ADGRL3: variants seen among roughly 807,000 people sequenced by gnomAD.
ADGRL3 encodes calcium-independent alpha-latrotoxin receptor 3.
Under a neutral mutation model 153.5 loss-of-function variants are expected in ADGRL3, and 62 were observed. That is an observed-to-expected ratio of 0.40 (90% CI 0.33 to 0.50). The LOEUF (loss-of-function observed/expected upper bound fraction) is 0.50. Ranked by LOEUF, ADGRL3 falls within the 20% of genes least tolerant of loss-of-function variation. The probability of loss-of-function intolerance (pLI) is 0.47; values close to 1 mark genes in which losing one functional copy is unlikely to be tolerated. For missense variants in ADGRL3, 1,641 were observed against 1,859.4 expected (o/e 0.88, Z 2.16); for synonymous variants, 710 against 672.5 (o/e 1.06, Z -0.86).
At chr4:61,958,558 A>T (rs563288593) in intron 17 of ADGRL3, among the ~76,000 whole-genome samples, 1 of 152,206 alleles carries the variant, frequency 6.6e-6, no homozygotes, top group African/African-American at 2.4e-5. Context: ...ATGCCTGGGG[A>T]GGCCTCAGGA....
chr4:61,668,357 A>G (rs2094874288), intron 5 of ADGRL3, among the ~76,000 whole-genome samples: 1 of 152,362 alleles, frequency 6.6e-6, no homozygotes, highest in South Asian at 2.1e-4. Flanking sequence ...TCTTGGTTTT[A>G]GCAAGATTTA....
At chr4:61,472,458 T>C (rs2097971362) in intron 2 of ADGRL3, among the ~76,000 whole-genome samples, 1 of 152,074 alleles carries the variant, frequency 6.6e-6, no homozygotes. Context: ...TGCAGGCCTC[T>C]TTATAGGGAT....
chr4:61,528,937 T>C (rs1208185269), intron 4 of ADGRL3, among the ~76,000 whole-genome samples: 1 of 152,074 alleles, frequency 6.6e-6, no homozygotes, highest in African/African-American at 2.4e-5. Context: ...ACAGCTGTAG[T>C]TCACTGATAT....
intron 4 of ADGRL3, among the ~76,000 whole-genome samples, chr4:61,558,814 G>T (rs957383702): frequency 7.9e-5 from 12 of 151,848 alleles, no homozygotes; most frequent in African/African-American, 2.9e-4. Context: ...TTTTTAAAAT[G>T]AATCTTATTA....
At chr4:61,841,554 G>A (rs1324969594) in intron 9 of ADGRL3, among the ~76,000 whole-genome samples, 1 of 152,060 alleles carries the variant, frequency 6.6e-6, no homozygotes, top group Non-Finnish European at 1.5e-5. Context: ...GGTTAAAGAA[G>A]GCAAAAAGAT....
Position 61,720,832 on chromosome 4 carries a change from T to A in ADGRL3, c.584-9790T>A, listed in dbSNP as rs530516820. On this transcript the variant is annotated intron_variant, in intron 6 of 26. Transcript: ENST00000683033. ...TAAATATGAGTTGTTCTCATAATTATCATAATCCTTATGTTCTGTTTTCCC... is the reference window on the plus strand; with the variant it reads ...TAAATATGAGTTGTTCTCATAATTAACATAATCCTTATGTTCTGTTTTCCC... Among the ~76,000 whole-genome samples the A allele has an allele frequency of 3.5e-4, 54 of 152,210 alleles. 1 individual carries two copies. Among genetic ancestry groups the A allele is most frequent in the Non-Finnish European group, 6.6e-4 (45 of 68,040 alleles).
intron 9 of ADGRL3, among the ~76,000 whole-genome samples, chr4:61,880,399 A>G (rs2098502062): frequency 6.6e-6 from 1 of 152,164 alleles, no homozygotes; most frequent in Admixed American, 6.6e-5. Flanking sequence ...AAAATTTAAA[A>G]CTTGTATTAA....
At chr4:61,548,612 T>C (rs556033580) in intron 4 of ADGRL3, among the ~76,000 whole-genome samples, 4 of 152,118 alleles carry the variant, frequency 2.6e-5, no homozygotes, top group South Asian at 4.1e-4. Flanking sequence ...TTCTAGACTT[T>C]CTATTTTGTT....
At chr4:61,205,764 T>G (rs565023079) in intron 1 of ADGRL3, among the ~76,000 whole-genome samples, 61 of 152,308 alleles carry the variant, frequency 4.0e-4, no homozygotes, top group African/African-American at 1.3e-3. Flanking sequence ...TAGGGAGTTG[T>G]TGATCAATGG....
At chr4:61,489,780 TTG>T (rs200425142) in intron 2 of ADGRL3, among the ~76,000 whole-genome samples, 2 of 151,970 alleles carry the variant, frequency 1.3e-5, no homozygotes, top group East Asian at 3.9e-4. Context: ...AAAATTGAAT[TTG>T]CAACAAAATG....
At chr4:61,772,465 A>G (rs1375477430) in intron 8 of ADGRL3, among the ~76,000 whole-genome samples, 1 of 152,184 alleles carries the variant, frequency 6.6e-6, no homozygotes, top group Non-Finnish European at 1.5e-5. Context: ...TAACAATAGA[A>G]AAATATACAC....
At chr4:61,284,571 G>A (rs2093855922) in intron 1 of ADGRL3, among the ~76,000 whole-genome samples, 1 of 151,906 alleles carries the variant, frequency 6.6e-6, no homozygotes, top group African/African-American at 2.4e-5. Context: ...GCATATTAAT[G>A]ACTAATCCAG....
At chr4:61,470,175 T>C (rs2097929659) in intron 2 of ADGRL3, among the ~76,000 whole-genome samples, 1 of 152,052 alleles carries the variant, frequency 6.6e-6, no homozygotes, top group South Asian at 2.1e-4. Context: ...TTTTAAGTCA[T>C]AATACAATGG....
At chr4:62,029,696 CTTT>C in intron 22 of ADGRL3, among the ~76,000 whole-genome samples, 1 of 125,420 alleles carries the variant, frequency 8.0e-6, no homozygotes, top group South Asian at 2.5e-4. Flanking sequence ...TGCTTTCCTT[CTTT>C]TGTTGTTTTT....
chr4:61,297,549 T>C (rs1281880458), intron 1 of ADGRL3, among the ~76,000 whole-genome samples: 1 of 152,184 alleles, frequency 6.6e-6, no homozygotes, highest in Non-Finnish European at 1.5e-5. Flanking sequence ...GAACAGTACT[T>C]ATTTTTAACA....
rs142599658 is a variant in ADGRL3, at chr4:61,202,638, G to T, written c.-240+873G>T. ...CACCTCGGCGCTTCTCTGAGGAGAA[G>T]GGAAGGCTCCAGGCTGCAGCGCAGC... On this transcript the variant is annotated intron_variant, in intron 1 of 26. Coordinates refer to ENST00000683033, the MANE Select transcript of ADGRL3 (RefSeq NM_001387552.1). This position sits in a 1 kb window ranked among gnomAD's most constrained non-coding sequence, Gnocchi z 5.0. Among the ~76,000 whole-genome samples the T allele has an allele frequency of 0.011, 1,708 of 152,282 alleles. 17 individuals carry two copies. Among genetic ancestry groups the T allele is most frequent in the Non-Finnish European group, 0.017 (1,165 of 68,014 alleles).
rs1362681822 is a variant in ADGRL3, at chr4:62,051,065, C to CTG, written c.3814+6526_3814+6527dup. Among the ~76,000 whole-genome samples the CTG allele has an allele frequency of 8.1e-5, 12 of 148,580 alleles. No individual in the cohort carries two copies. In the East Asian group the frequency reaches 1.4e-3, roughly 17 times the overall value. On this transcript the variant is annotated intron_variant, in intron 25 of 26. Coordinates refer to ENST00000683033, the MANE Select transcript of ADGRL3 (RefSeq NM_001387552.1). ...TCTGTGTAAATGAGGCAACAGCGTTCTGTGTGTGTGTATATATATATACAC... is the reference window on the plus strand; with the variant it reads ...TCTGTGTAAATGAGGCAACAGCGTTCTGTGTGTGTGTGTATATATATATACAC...
chr4:61,831,627 A>G (rs1346873127), intron 9 of ADGRL3, among the ~76,000 whole-genome samples: 1 of 152,070 alleles, frequency 6.6e-6, no homozygotes, highest in African/African-American at 2.4e-5. Context: ...AGTCGTCAAT[A>G]GATACATTAG....
At chr4:62,051,166 G>GTATA (rs1157095045) in intron 25 of ADGRL3, among the ~76,000 whole-genome samples, 57 of 52,184 alleles carry the variant, frequency 1.1e-3, no homozygotes, top group African/African-American at 3.5e-3. Context: ...GTGTGTGTGT[G>GTATA]TGTATATATA....
Sources: gnomAD v4.1 joint callset for allele counts (sites outside exome capture counted in the v4.1 genomes callset) on GRCh38, gnomAD v4.1.1 for gene constraint, Gnocchi (gnomAD v3.1) non-coding constraint, MANE v1.5 for transcripts, NCBI Gene and HGNC (gene_info 2026-07-23, HGNC 2026-07-21) for gene names.